Variants in DNAJC2 observed in about 807,000 individuals in gnomAD.
The protein encoded by DNAJC2 is DnaJ heat shock protein family (Hsp40) member C2, also known as dnaJ homolog subfamily C member 2.
A neutral mutation model predicts 94.0 loss-of-function variants in DNAJC2; 32 were observed. The ratio of observed to expected loss-of-function variants is 0.34; its 90% CI spans 0.26 to 0.46. DNAJC2 has a LOEUF of 0.46. Among genes scored for constraint, DNAJC2 ranks in the 20% least tolerant of loss-of-function variants. The probability of loss-of-function intolerance (pLI) is 1.00; values close to 1 mark genes in which losing one functional copy is unlikely to be tolerated. For synonymous variants in DNAJC2, 210 were observed against 229.7 expected (o/e 0.91, Z 0.77); for missense variants, 550 against 719.5 (o/e 0.76, Z 2.69).
intron 3 of DNAJC2, among the ~76,000 whole-genome samples, chr7:103,330,842 A>G (rs967727068): frequency 6.6e-5 from 10 of 151,500 alleles, no homozygotes; most frequent in African/African-American, 2.4e-4. Context: ...CTGGCCTCCC[A>G]AAGTGCTAGA....
chr7:103,340,673 C>T lies in DNAJC2; in HGVS notation c.255+1091G>A, dbSNP rs577076658. Among the ~76,000 whole-genome samples, 178 of 152,326 alleles carry T rather than the reference C, an allele frequency of 1.2e-3. 1 individual carries two copies. Among genetic ancestry groups the T allele is most frequent in the African/African-American group, 4.1e-3 (172 of 41,556 alleles). On this transcript the variant is annotated intron_variant, in intron 2 of 16. Transcript: ENST00000379263. The stretch of plus-strand genomic sequence containing the variant: ...TTTGAATTCAGGCACTCCAATTCCA[C>T]AGCATACGCATTTAACTATTATACA...
chr7:103,342,899 C>T (rs1451866820), intron 1 of DNAJC2, among the ~76,000 whole-genome samples: 1 of 152,150 alleles, frequency 6.6e-6, no homozygotes, highest in Non-Finnish European at 1.5e-5. Flanking sequence ...TGAGCCACCG[C>T]GCCCGGCCTA....
chr7:103,339,648 C>T (rs1232838533), intron 2 of DNAJC2, among the ~76,000 whole-genome samples: 1 of 151,592 alleles, frequency 6.6e-6, no homozygotes, highest in African/African-American at 2.4e-5. Context: ...GTTGCCCAGG[C>T]TGGAGTGCAG....
chr7:103,314,206 T>TAAA, intron 15 of DNAJC2: 5 of 985,426 alleles, frequency 5.1e-6, no homozygotes, highest in Non-Finnish European at 6.0e-6. Context: ...AGATTTTATT[T>TAAA]CCTCTCTTGG....
intron 4 of DNAJC2, chr7:103,327,414 G>A (rs1317045474): frequency 1.1e-5 from 11 of 967,812 alleles, no homozygotes; most frequent in Non-Finnish European, 1.7e-5. Context: ...TAGGTTTGGG[G>A]CAGGGCCTGA....
chr7:103,312,805 C>T lies in DNAJC2; in HGVS notation c.1791+142G>A, dbSNP rs1018567003. ...AGAAAGTTTCTAAGGTTGCTCATTT[C>T]TTCCTCATAATATTGACCCCATAAC... is the stretch of plus-strand genomic sequence containing the variant. On this transcript the variant is annotated intron_variant, in intron 16 of 16. Coordinates refer to ENST00000379263, the MANE Select transcript of DNAJC2 (RefSeq NM_014377.3). The T allele has an allele frequency of 5.3e-6, 8 of 1,512,582 alleles. No individual in the cohort carries two copies. In the Admixed American group the frequency reaches 9.4e-5, roughly 18 times the overall value. The allele number at this position is 1,512,582 out of a possible 1,614,324, so 93.7% of individuals were successfully genotyped here. A position where few individuals can be genotyped will look rare whatever the true frequency, so the allele number is the denominator to read the frequency against.
intron 12 of DNAJC2, among the ~76,000 whole-genome samples, chr7:103,317,938 A>G (rs930956352): frequency 7.0e-6 from 1 of 143,542 alleles, no homozygotes; most frequent in East Asian, 2.0e-4. Flanking sequence ...GGCATGAGCC[A>G]CCACGCTCAT....
intron 5 of DNAJC2, among the ~76,000 whole-genome samples, chr7:103,325,900 CGATT>C: frequency 6.6e-6 from 1 of 152,054 alleles, no homozygotes. Flanking sequence ...AGTAGTATAC[CGATT>C]GATAAAGAGG....
chr7:103,318,394 T>C (rs537168083), intron 12 of DNAJC2, among the ~76,000 whole-genome samples: 1 of 152,222 alleles, frequency 6.6e-6, no homozygotes, highest in African/African-American at 2.4e-5. Flanking sequence ...TTTATACTTC[T>C]ACTTCTATTT....
In DNAJC2 at chr7:103,327,989, C is replaced by T. The variant is rs1316428018; in HGVS notation, c.332-235G>A. On this transcript the variant is annotated intron_variant, in intron 3 of 16. Transcript: ENST00000379263. ...AGGCTGGAGTGTAATGGCACGATCTCGGCTCACTGCAACCTCCGCCTCCCG... is the reference window on the plus strand; with the variant it reads ...AGGCTGGAGTGTAATGGCACGATCTTGGCTCACTGCAACCTCCGCCTCCCG... Among the ~76,000 whole-genome samples, 5 of 152,224 alleles carry T rather than the reference C, an allele frequency of 3.3e-5. No homozygotes were observed. The South Asian group carries it at 8.3e-4, about 25-fold the overall frequency.
Position 103,316,089 on chromosome 7 carries a change from C to T in DNAJC2, c.1428-1G>A. 1.3e-6 allele frequency: 2 copies of T among 1,547,066 alleles called. No individual in the cohort carries two copies. Among genetic ancestry groups the T allele is most frequent in the Non-Finnish European group, 1.8e-6 (2 of 1,139,098 alleles). On this transcript the variant is annotated splice_acceptor_variant, in intron 13 of 16. Transcript: ENST00000379263. LOFTEE classifies it high-confidence loss of function. Reference sequence around the variant, plus strand: ...CATGTAATTAGCAATAACTTCCCATCTGATAGGATATATTATACAATAATA... The same window carrying T: ...CATGTAATTAGCAATAACTTCCCATTTGATAGGATATATTATACAATAATA...
chr7:103,323,775 T>C (rs1818552852), intron 6 of DNAJC2, 112 bp from the exon 7 acceptor site: 2 of 835,174 alleles, frequency 2.4e-6, no homozygotes, highest in Middle Eastern at 2.5e-4. Flanking sequence ...CCTTCTAGTA[T>C]TGAACTAAGG....
rs116196252 is a variant in DNAJC2 at position 103,339,551 on chromosome 7, C to T, written c.256-1740G>A. Among the ~76,000 whole-genome samples, 572 of 152,258 alleles carry T rather than the reference C, an allele frequency of 3.8e-3. 4 individuals carry two copies. The highest frequency in any genetic ancestry group is 0.014 in the African/African-American group (563 of 41,538). Reference sequence around the variant, plus strand: ...ATCTCTTGCCTTCCCGATCATTTTACTCAAACTGCTTTCAATGAGGACACC... The same window carrying T: ...ATCTCTTGCCTTCCCGATCATTTTATTCAAACTGCTTTCAATGAGGACACC... On this transcript the variant is annotated intron_variant, in intron 2 of 16. Coordinates refer to ENST00000379263, the MANE Select transcript of DNAJC2 (RefSeq NM_014377.3).
intron 15 of DNAJC2, among the ~76,000 whole-genome samples, 191 bp downstream of exon 15, chr7:103,315,573 G>A (rs1228191123): frequency 6.6e-6 from 1 of 152,092 alleles, no homozygotes; most frequent in African/African-American, 2.4e-5. Context: ...ATCTGAAATG[G>A]AACAACTGCA....
At chr7:103,312,891 T>C (rs1817832440) in intron 16 of DNAJC2, 56 bp downstream of exon 16, 1 of 1,571,686 alleles carries the variant, frequency 6.4e-7, no homozygotes, top group Non-Finnish European at 8.6e-7. Context: ...ATATGAGCTA[T>C]ATCACCCAAG....
At chr7:103,334,853 T>C (rs1426845650) in intron 3 of DNAJC2, among the ~76,000 whole-genome samples, 1 of 152,208 alleles carries the variant, frequency 6.6e-6, no homozygotes, top group Non-Finnish European at 1.5e-5. Context: ...GGGCATTTTT[T>C]GAGGCAGTTT....
intron 12 of DNAJC2, among the ~76,000 whole-genome samples, chr7:103,318,101 C>G (rs1818171274): frequency 6.6e-6 from 1 of 152,098 alleles, no homozygotes; most frequent in South Asian, 2.1e-4. Flanking sequence ...TATTAAAAAC[C>G]TGATCATTGG....
At chr7:103,313,562 C>T (rs1367653689) in intron 15 of DNAJC2, 1 of 981,242 alleles carries the variant, frequency 1.0e-6, no homozygotes, top group African/African-American at 1.7e-5. Flanking sequence ...TCTTGTTTTA[C>T]ACTGAAGGAA....
At chr7:103,317,720 T>C (rs1190776777) in intron 12 of DNAJC2, among the ~76,000 whole-genome samples, 2 of 152,150 alleles carry the variant, frequency 1.3e-5, no homozygotes, top group Non-Finnish European at 2.9e-5. Flanking sequence ...GTGTGATTTC[T>C]GCTTACTGCA....
Sources: allele counts gnomAD v4.1 joint callset (sites outside exome capture counted in the v4.1 genomes callset), GRCh38; gene constraint gnomAD v4.1.1; transcripts MANE v1.5; gene names NCBI Gene and HGNC (gene_info 2026-07-23, HGNC 2026-07-21).